Variants in CADM1 observed in about 807,000 individuals in gnomAD.
CADM1 encodes TSLC-1.
Under a neutral mutation model 53.1 loss-of-function variants are expected in CADM1, and 15 were observed. That is an observed-to-expected ratio of 0.28 (90% CI 0.19 to 0.44). The LOEUF (loss-of-function observed/expected upper bound fraction) is 0.44. CADM1 is among the 20% of genes least tolerant of loss of function. The pLI is 1.00. For synonymous variants in CADM1, 281 were observed against 243.0 expected (o/e 1.16, Z -1.45); for missense variants, 434 against 611.3 (o/e 0.71, Z 3.06).
At chr11:115,386,120 C>T (rs1946693835) in intron 1 of CADM1, among the ~76,000 whole-genome samples, 1 of 152,214 alleles carries the variant, frequency 6.6e-6, no homozygotes, top group African/African-American at 2.4e-5. Flanking sequence ...TCACCTTAAC[C>T]TGTCTGGCAG....
At chr11:115,323,019 C>A (rs1211323659) in intron 1 of CADM1, among the ~76,000 whole-genome samples, 1 of 152,048 alleles carries the variant, frequency 6.6e-6, no homozygotes, top group Non-Finnish European at 1.5e-5. Context: ...CAAGCTGTTT[C>A]CAAATTGGCT....
At chr11:115,345,438 T>C (rs1945551897) in intron 1 of CADM1, among the ~76,000 whole-genome samples, 1 of 152,170 alleles carries the variant, frequency 6.6e-6, no homozygotes, top group Non-Finnish European at 1.5e-5. Flanking sequence ...TGGATGGGGT[T>C]GAAAGCTGAA....
At chr11:115,283,559 G>A (rs1340349706) in intron 1 of CADM1, among the ~76,000 whole-genome samples, 1 of 152,212 alleles carries the variant, frequency 6.6e-6, no homozygotes, top group East Asian at 1.9e-4. Context: ...ACTGAGTGCT[G>A]TTTAAGACCC....
chr11:115,405,291 C>G (rs1240513743), intron 1 of CADM1, among the ~76,000 whole-genome samples: 3 of 152,064 alleles, frequency 2.0e-5, no homozygotes. Flanking sequence ...TTTTCACTAC[C>G]ATCAAATCAA....
intron 1 of CADM1, among the ~76,000 whole-genome samples, chr11:115,259,749 A>G: frequency 6.6e-6 from 1 of 152,138 alleles, no homozygotes; most frequent in Admixed American, 6.5e-5. Context: ...TCCTCCAAAC[A>G]CTGTCCAAGC....
chr11:115,224,538 C>A (rs1941529648), intron 5 of CADM1, among the ~76,000 whole-genome samples: 1 of 151,966 alleles, frequency 6.6e-6, no homozygotes, highest in Non-Finnish European at 1.5e-5. Context: ...AAACACAAAA[C>A]CCTCAAAAAA....
intron 1 of CADM1, among the ~76,000 whole-genome samples, chr11:115,315,440 T>C (rs1291368782): frequency 2.0e-5 from 3 of 152,168 alleles, no homozygotes; most frequent in Non-Finnish European, 4.4e-5. Flanking sequence ...TTCCAGCTCC[T>C]GTCCAAACTA....
Position 115,174,747 on chromosome 11 carries a change from T to TTATA in CADM1, c.*1723_*1726dup. The TTATA allele has an allele frequency of 2.4e-6, 2 of 846,362 alleles. No homozygotes were observed. The highest frequency in any genetic ancestry group is 2.8e-6 in the Non-Finnish European group (2 of 703,932). 52.4% of individuals were successfully genotyped at this position (846,362 alleles called of 1,614,324 possible). A position where few individuals can be genotyped will look rare whatever the true frequency, so the allele number is the denominator to read the frequency against. ...ACTGAAAATGTAATAGAATATATAT[T>TTATA]TATATATATATATAGATCTATCTTT... On this transcript the variant is annotated 3_prime_UTR_variant, in exon 12 of 12. Transcript: ENST00000331581.
chr11:115,364,378 T>A (rs1013582), intron 1 of CADM1, among the ~76,000 whole-genome samples: 47,880 of 152,116 alleles, frequency 0.31, 8,804 homozygotes, highest in Non-Finnish European at 0.43. Flanking sequence ...CATTTTCCAC[T>A]CTTTTAATTT....
chr11:115,283,442 G>A (rs1398507310), intron 1 of CADM1, among the ~76,000 whole-genome samples: 2 of 152,190 alleles, frequency 1.3e-5, no homozygotes, highest in Admixed American at 6.5e-5. Flanking sequence ...GAAGGTATTG[G>A]AAGGAACGCA....
At chr11:115,348,108 G>A (rs142631979) in intron 1 of CADM1, among the ~76,000 whole-genome samples, 8 of 152,240 alleles carry the variant, frequency 5.3e-5, no homozygotes, top group African/African-American at 1.2e-4. Context: ...CAGTGTGAGC[G>A]TTTGAGTAGT....
At chr11:115,452,478 A>G (rs748733100) in intron 1 of CADM1, among the ~76,000 whole-genome samples, 2 of 152,246 alleles carry the variant, frequency 1.3e-5, no homozygotes, top group Non-Finnish European at 2.9e-5. Flanking sequence ...ATAGGCATTA[A>G]AAGTTGTCAT....
intron 6 of CADM1, among the ~76,000 whole-genome samples, chr11:115,216,781 A>T (rs528387669): frequency 6.6e-6 from 1 of 152,298 alleles, no homozygotes; most frequent in South Asian, 2.1e-4. Context: ...ATGAGAAGAG[A>T]GAACCAACAG....
intron 1 of CADM1, among the ~76,000 whole-genome samples, chr11:115,406,709 G>A (rs1947322766): frequency 6.6e-6 from 1 of 151,172 alleles, no homozygotes; most frequent in Admixed American, 6.6e-5. Context: ...CACTTTCGGA[G>A]GCCGAGGCAG....
chr11:115,236,213 G>T (rs1942005146), intron 3 of CADM1, among the ~76,000 whole-genome samples: 3 of 152,196 alleles, frequency 2.0e-5, no homozygotes, highest in Admixed American at 6.5e-5. Flanking sequence ...GAGAACTGAA[G>T]ATAGCAACGA....
intron 5 of CADM1, among the ~76,000 whole-genome samples, chr11:115,219,990 C>T (rs1317990839): frequency 1.3e-5 from 2 of 152,056 alleles, no homozygotes; most frequent in Non-Finnish European, 2.9e-5. Context: ...TACCCATGAA[C>T]CTTCTGGGTG....
At chr11:115,308,736 C>T (rs1221927740) in intron 1 of CADM1, among the ~76,000 whole-genome samples, 3 of 151,458 alleles carry the variant, frequency 2.0e-5, no homozygotes, top group African/African-American at 7.3e-5. Flanking sequence ...TCCCTCCCTC[C>T]CTTTTTCCTT....
At chr11:115,281,921 TG>T (rs1258947310) in intron 1 of CADM1, among the ~76,000 whole-genome samples, 3 of 146,040 alleles carry the variant, frequency 2.1e-5, no homozygotes, top group Non-Finnish European at 3.1e-5. Context: ...AATAAATAAC[TG>T]GTTCATTTTT....
intron 1 of CADM1, among the ~76,000 whole-genome samples, chr11:115,477,256 T>C (rs1949155404): frequency 6.6e-6 from 1 of 152,154 alleles, no homozygotes; most frequent in African/African-American, 2.4e-5. Flanking sequence ...TTATTGTGCA[T>C]ACAGTTGCAT....
Sources: allele counts gnomAD v4.1 joint callset (sites outside exome capture counted in the v4.1 genomes callset), GRCh38; gene constraint gnomAD v4.1.1; transcripts MANE v1.5; gene names NCBI Gene and HGNC (gene_info 2026-07-23, HGNC 2026-07-21).